Variants in THADA observed in about 807,000 individuals in gnomAD.
THADA encodes THADA armadillo repeat containing.
In THADA, 213 loss-of-function variants were observed where a neutral mutation model predicts 219.8. The observed-to-expected ratio is 0.97, with a 90% CI of 0.87 to 1.09. THADA has a LOEUF of 1.09. Ranked by LOEUF, THADA falls within the 50% of genes least tolerant of loss-of-function variation. The probability of loss-of-function intolerance (pLI) is 0.00; values close to 1 mark genes in which losing one functional copy is unlikely to be tolerated. For synonymous variants in THADA, 1,018 were observed against 828.9 expected (o/e 1.23, Z -3.92); for missense variants, 2,956 against 2,311.3 (o/e 1.28, Z -5.72).
intron 31 of THADA, among the ~76,000 whole-genome samples, chr2:43,310,896 G>T (rs546009816): frequency 1.3e-5 from 2 of 152,202 alleles, no homozygotes; most frequent in Non-Finnish European, 2.9e-5. Flanking sequence ...AAATAACTCG[G>T]CTGGGCGCGG....
At chr2:43,378,643 T>C (rs750725843) in intron 29 of THADA, among the ~76,000 whole-genome samples, 17 of 152,192 alleles carry the variant, frequency 1.1e-4, no homozygotes, top group Non-Finnish European at 2.4e-4. Flanking sequence ...TCTTGCTTTG[T>C]TGCCCAGGCT....
At chr2:43,261,468 C>A (rs1670937303) in intron 36 of THADA, among the ~76,000 whole-genome samples, 1 of 151,068 alleles carries the variant, frequency 6.6e-6, no homozygotes, top group Admixed American at 6.6e-5. Flanking sequence ...CAGAGTCTTG[C>A]TCTGTCGCCC....
At chr2:43,579,583 A>C (rs536500747) in intron 8 of THADA, among the ~76,000 whole-genome samples, 8 of 152,344 alleles carry the variant, frequency 5.3e-5, no homozygotes, top group South Asian at 2.1e-4. Context: ...GGGAAGCCAC[A>C]TGCCCAGCCA....
rs889670866 is a variant in THADA, at chr2:43,430,352, G to C, written c.3837-50C>G. 8.6e-6 allele frequency: 9 copies of C among 1,047,990 alleles called. No individual in the cohort carries two copies. The Admixed American group carries it at 2.1e-4, about 24-fold the overall frequency. The allele number at this position is 1,047,990 out of a possible 1,614,324, so 64.9% of individuals were successfully genotyped here. ...TATTATCATTTATTCCCTTTGATCT[G>C]ACAATAAAGCCTTTTTTTTAAAAAA... On this transcript the variant is annotated intron_variant, in intron 26 of 37. Coordinates refer to ENST00000405975, the MANE Select transcript of THADA (RefSeq NM_022065.5).
intron 26 of THADA, among the ~76,000 whole-genome samples, chr2:43,434,760 C>T (rs982966910): frequency 6.6e-6 from 1 of 152,202 alleles, no homozygotes; most frequent in Admixed American, 6.5e-5. Flanking sequence ...TCCAAGCCTA[C>T]GTGTGATCAA....
intron 30 of THADA, chr2:43,333,122 A>G (rs1389577291): frequency 1.3e-5 from 2 of 152,182 alleles, no homozygotes. Flanking sequence ...TGTATTTGTA[A>G]AAGGGATATT....
rs376233275 is a variant in THADA, at chr2:43,255,669, GA to G, written c.5297-22788del. Among the ~76,000 whole-genome samples, 45 of 152,340 alleles carry G rather than the reference GA, an allele frequency of 3.0e-4. 2 individuals are homozygous for G. Among genetic ancestry groups the G allele is most frequent in the African/African-American group, 1.1e-3 (45 of 41,576 alleles). On this transcript the variant is annotated intron_variant, in intron 36 of 37. Coordinates refer to ENST00000405975, the MANE Select transcript of THADA (RefSeq NM_022065.5). Reference sequence around the variant, plus strand: ...GCTCCATCCAAGTATTGGAGTCGGGGAATGCTGTGGCCTCTAATATTTGGTT... The same window carrying G: ...GCTCCATCCAAGTATTGGAGTCGGGGATGCTGTGGCCTCTAATATTTGGTT...
At chr2:43,242,109 T>C (rs530592380) in intron 36 of THADA, among the ~76,000 whole-genome samples, 1 of 152,360 alleles carries the variant, frequency 6.6e-6, no homozygotes, top group South Asian at 2.1e-4. Flanking sequence ...GGGGACTTTT[T>C]CTCCACTGTA....
At chr2:43,314,675 C>CT (rs1262521800) in intron 31 of THADA, among the ~76,000 whole-genome samples, 2 of 152,254 alleles carry the variant, frequency 1.3e-5, no homozygotes, top group Non-Finnish European at 2.9e-5. Context: ...ACCCAGCCCT[C>CT]TGAGTCCTTG....
At chr2:43,308,764 A>C (rs1416274166) in intron 31 of THADA, among the ~76,000 whole-genome samples, 11 of 148,172 alleles carry the variant, frequency 7.4e-5, no homozygotes, top group Non-Finnish European at 1.0e-4. Context: ...ATACCAAAAA[A>C]AAAAAAAAAA....
chr2:43,389,909 G>A (rs1397617878), intron 29 of THADA, among the ~76,000 whole-genome samples: 1 of 152,176 alleles, frequency 6.6e-6, no homozygotes, highest in Non-Finnish European at 1.5e-5. Context: ...ATTGTCTGCA[G>A]TGTCAATGGT....
At chr2:43,460,487 G>C (rs1207036199) in intron 26 of THADA, among the ~76,000 whole-genome samples, 1 of 152,012 alleles carries the variant, frequency 6.6e-6, no homozygotes. Flanking sequence ...CTGGTACAAA[G>C]GTACTCAGTG....
intron 2 of THADA, 29 bp downstream of exon 2, chr2:43,592,288 T>G: frequency 6.5e-7 from 1 of 1,535,268 alleles, no homozygotes; most frequent in Admixed American, 2.1e-5. Flanking sequence ...TAGAAAAAAA[T>G]ATAATAAGGG....
chr2:43,387,849 A>G (rs1672884557), intron 29 of THADA, among the ~76,000 whole-genome samples: 1 of 152,240 alleles, frequency 6.6e-6, no homozygotes. Flanking sequence ...GGGTAGCAAT[A>G]CAGAGAAATG....
intron 35 of THADA, among the ~76,000 whole-genome samples, chr2:43,281,670 A>C (rs1673381333): frequency 6.6e-6 from 1 of 152,052 alleles, no homozygotes; most frequent in Non-Finnish European, 1.5e-5. Context: ...TCCTGACCTC[A>C]GGTAGACCCA....
chr2:43,349,589 C>T (rs1668023780), intron 29 of THADA, among the ~76,000 whole-genome samples: 3 of 152,128 alleles, frequency 2.0e-5, no homozygotes, highest in African/African-American at 7.2e-5. Flanking sequence ...GCATGGCTTC[C>T]AGGCAATTTT....
intron 26 of THADA, among the ~76,000 whole-genome samples, chr2:43,441,159 T>C (rs1243425416): frequency 2.0e-5 from 3 of 152,216 alleles, no homozygotes; most frequent in African/African-American, 7.2e-5. Context: ...TGTCAGGGTT[T>C]AAAAATATCA....
intron 29 of THADA, among the ~76,000 whole-genome samples, chr2:43,388,488 A>C (rs1672966821): frequency 6.6e-6 from 1 of 152,192 alleles, no homozygotes; most frequent in African/African-American, 2.4e-5. Context: ...TCACTTTATG[A>C]ACTTCAAATT....
In THADA at chr2:43,418,780, C is replaced by T. The variant is rs76610456; in HGVS notation, c.4058+9320G>A. Among the ~76,000 whole-genome samples, 672 of 151,956 alleles carry T rather than the reference C, an allele frequency of 4.4e-3. 2 individuals are homozygous for T. Among genetic ancestry groups the T allele is most frequent in the African/African-American group, 0.015 (622 of 41,404 alleles). Reference sequence around the variant, plus strand: ...AGGCAGCGGGAGGAAGGGGGCCCTCCAAGGAGAGATAGAAATAACGGCCAG... The same window carrying T: ...AGGCAGCGGGAGGAAGGGGGCCCTCTAAGGAGAGATAGAAATAACGGCCAG... On this transcript the variant is annotated intron_variant, in intron 28 of 37. Coordinates refer to ENST00000405975, the MANE Select transcript of THADA (RefSeq NM_022065.5).
Sources: allele counts gnomAD v4.1 joint callset (sites outside exome capture counted in the v4.1 genomes callset), GRCh38; gene constraint gnomAD v4.1.1; transcripts MANE v1.5; gene names NCBI Gene and HGNC (gene_info 2026-07-23, HGNC 2026-07-21).